The following NBEA variants were observed in gnomAD, a reference collection of about 807,000 sequenced individuals.
The protein encoded by NBEA is neurobeachin.
Under a neutral mutation model 343.4 loss-of-function variants are expected in NBEA, and 44 were observed. The ratio of observed to expected loss-of-function variants is 0.13; its 90% CI spans 0.10 to 0.16. The LOEUF (loss-of-function observed/expected upper bound fraction) is 0.16, where lower values mean the gene tolerates loss of function less well. Ranked by LOEUF, NBEA falls within the 10% of genes least tolerant of loss-of-function variation. The probability of loss-of-function intolerance (pLI) is 1.00; values close to 1 mark genes in which losing one functional copy is unlikely to be tolerated. For missense variants in NBEA, 2,555 were observed against 3,631.3 expected (o/e 0.70, Z 7.62); for synonymous variants, 1,175 against 1,238.7 (o/e 0.95, Z 1.08).
At chr13:34,996,878 C>A (rs2060961098) in intron 1 of NBEA, among the ~76,000 whole-genome samples, 1 of 152,060 alleles carries the variant, frequency 6.6e-6, no homozygotes, top group Non-Finnish European at 1.5e-5. Flanking sequence ...TGAAAAATTG[C>A]CAGTAATCTC....
chr13:35,311,515 T>C (rs1256862946), intron 36 of NBEA, among the ~76,000 whole-genome samples: 2 of 151,990 alleles, frequency 1.3e-5, no homozygotes, highest in Non-Finnish European at 2.9e-5. Context: ...TTGCTTTATA[T>C]TAGGAAAGGT....
intron 41 of NBEA, among the ~76,000 whole-genome samples, chr13:35,531,318 T>C (rs1408578199): frequency 6.6e-6 from 1 of 152,230 alleles, no homozygotes; most frequent in Non-Finnish European, 1.5e-5. Context: ...TAGTTGCTGA[T>C]AGCTGCTTTC....
At chr13:35,014,934 G>T (rs1184822433) in intron 1 of NBEA, among the ~76,000 whole-genome samples, 2 of 151,690 alleles carry the variant, frequency 1.3e-5, no homozygotes, top group Admixed American at 1.3e-4. Flanking sequence ...CAAGAAGATG[G>T]AGCAGGCAAT....
At chr13:35,538,123 C>CT (rs1418960570) in intron 41 of NBEA, among the ~76,000 whole-genome samples, 1 of 152,074 alleles carries the variant, frequency 6.6e-6, no homozygotes, top group Admixed American at 6.6e-5. Context: ...TGGAGTATCC[C>CT]TTGTCGCAAA....
At chr13:35,157,789 C>A (rs958892088) in intron 21 of NBEA, among the ~76,000 whole-genome samples, 2 of 151,768 alleles carry the variant, frequency 1.3e-5, no homozygotes, top group Non-Finnish European at 2.9e-5. Context: ...TTAAACTGTA[C>A]AAGTATATAC....
chr13:35,063,986 G>A (rs1211578947), intron 8 of NBEA, among the ~76,000 whole-genome samples: 1 of 151,886 alleles, frequency 6.6e-6, no homozygotes, highest in African/African-American at 2.4e-5. Context: ...ACTGAGATGG[G>A]GAGGACTATA....
At chr13:35,231,752 A>G (rs768164038) in intron 33 of NBEA, among the ~76,000 whole-genome samples, 1 of 152,158 alleles carries the variant, frequency 6.6e-6, no homozygotes, top group Non-Finnish European at 1.5e-5. Flanking sequence ...CCTAGCTAGT[A>G]TATGATAGAG....
intron 1 of NBEA, among the ~76,000 whole-genome samples, chr13:34,953,997 CA>C (rs1442212113): frequency 1.3e-5 from 2 of 152,168 alleles, no homozygotes; most frequent in Non-Finnish European, 1.5e-5. Context: ...AGTTTCATCC[CA>C]AAACCATTCC....
intron 38 of NBEA, among the ~76,000 whole-genome samples, chr13:35,400,421 T>A (rs1374113392): frequency 6.6e-6 from 1 of 151,968 alleles, no homozygotes; most frequent in Admixed American, 6.6e-5. Flanking sequence ...TCACATTTGT[T>A]ACTCAGAAAA....
intron 1 of NBEA, among the ~76,000 whole-genome samples, chr13:35,002,536 A>G (rs1467286508): frequency 6.6e-6 from 1 of 152,184 alleles, no homozygotes; most frequent in African/African-American, 2.4e-5. Context: ...TAATAGTTAA[A>G]GAGAAATGAT....
intron 41 of NBEA, among the ~76,000 whole-genome samples, chr13:35,503,066 A>G (rs1237994193): frequency 2.0e-5 from 3 of 152,088 alleles, no homozygotes; most frequent in Non-Finnish European, 4.4e-5. Context: ...ATCACAGGCA[A>G]TATAAATTCG....
intron 1 of NBEA, among the ~76,000 whole-genome samples, chr13:35,004,618 G>A (rs1235313230): frequency 1.3e-5 from 2 of 152,020 alleles, no homozygotes; most frequent in Non-Finnish European, 2.9e-5. Flanking sequence ...TGGGGATATC[G>A]CTGTATTTTT....
At chr13:34,998,471 C>T (rs532463227) in intron 1 of NBEA, among the ~76,000 whole-genome samples, 8 of 152,126 alleles carry the variant, frequency 5.3e-5, no homozygotes, top group African/African-American at 1.4e-4. Context: ...CTGCAGGAGA[C>T]GGGGGCTTAT....
In NBEA at chr13:35,171,471, T is replaced by C. The variant is rs986293814; in HGVS notation, c.4423+19T>C. The C allele has an allele frequency of 3.8e-6, 6 of 1,590,712 alleles. No homozygotes were observed. The Admixed American group carries it at 8.5e-5, about 23-fold the overall frequency. The stretch of plus-strand genomic sequence containing the variant: ...AGATTAGGTAAGTCTGTTAAAACAA[T>C]AGTGCATGTCAAATAATTATCTACA... On this transcript the variant is annotated intron_variant, in intron 26 of 58. Transcript: ENST00000379939.
At chr13:35,123,166 G>T (rs2066895384) in intron 16 of NBEA, among the ~76,000 whole-genome samples, 1 of 152,118 alleles carries the variant, frequency 6.6e-6, no homozygotes, top group Non-Finnish European at 1.5e-5. Context: ...AAAGAAAATA[G>T]GGTTATCAAG....
chr13:34,977,861 G>A, intron 1 of NBEA, among the ~76,000 whole-genome samples: 1 of 152,082 alleles, frequency 6.6e-6, no homozygotes, highest in East Asian at 1.9e-4. Flanking sequence ...TGTAGTTCAG[G>A]ATGGAGTACA....
chr13:35,074,265 C>G (rs1025790157), intron 10 of NBEA, among the ~76,000 whole-genome samples: 1 of 152,002 alleles, frequency 6.6e-6, no homozygotes, highest in Admixed American at 6.6e-5. Flanking sequence ...ATTATGTAGA[C>G]TGAGTACATA....
rs768405675 is a variant in NBEA at position 35,056,084 on chromosome 13, A to G, written c.1047A>G (p.Gln349=). 5 of 1,606,968 alleles carry G rather than the reference A, an allele frequency of 3.1e-6. No individual in the cohort carries two copies. The highest frequency in any genetic ancestry group is 2.7e-5 in the African/African-American group (2 of 74,910). Residue 349 remains glutamine (Q), a synonymous_variant, in exon 7 of 59, where the codon CAA becomes CAG. Transcript: ENST00000379939. ...NSEIRCYVNG[Q]LVSYGDMAWH... ...AAATTCGGTGTTATGTTAATGGACA[A>G]CTGGTATCTTATGGTGATATGGCTT...
Position 34,969,128 on chromosome 13 carries a change from A to G in NBEA, c.294+26014A>G, listed in dbSNP as rs566564388. Among the ~76,000 whole-genome samples, 35 of 152,078 alleles carry G rather than the reference A, an allele frequency of 2.3e-4. 1 individual carries two copies. In the South Asian group the frequency reaches 5.0e-3, roughly 22 times the overall value. ...TTTATGTTTTGCATTTATATTTTGC[A>G]TCCCACTCTTGTTTTCAACATAGTG... On this transcript the variant is annotated intron_variant, in intron 1 of 58. Coordinates refer to ENST00000379939, the MANE Select transcript of NBEA (RefSeq NM_001385012.1).
Sources: gnomAD v4.1 joint callset for allele counts (sites outside exome capture counted in the v4.1 genomes callset) on GRCh38, gnomAD v4.1.1 for gene constraint, MANE v1.5 for transcripts, NCBI Gene and HGNC (gene_info 2026-07-23, HGNC 2026-07-21) for gene names.